The following SLCO3A1 variants were observed in gnomAD, a reference collection of about 807,000 sequenced individuals.
SLCO3A1 encodes PGE1 transporter.
SLCO3A1 carries 27 observed loss-of-function variants against 63.1 expected under a neutral mutation model. That is an observed-to-expected ratio of 0.43 (90% CI 0.32 to 0.59). SLCO3A1 has a LOEUF of 0.59. Among genes scored for constraint, SLCO3A1 ranks in the 20% least tolerant of loss-of-function variants. The pLI is 0.09. For synonymous variants in SLCO3A1, 473 were observed against 409.9 expected, an observed-to-expected ratio of 1.15 and a Z score of -1.86; for missense variants, 773 against 945.8, an observed-to-expected ratio of 0.82 and a Z score of 2.40.
At chr15:91,922,276 C>A (rs1019230671) in intron 2 of SLCO3A1, among the ~76,000 whole-genome samples, 1 of 152,002 alleles carries the variant, frequency 6.6e-6, no homozygotes, top group Non-Finnish European at 1.5e-5. Flanking sequence ...AGCTGGCCAG[C>A]GGAAAGGGGT....
chr15:91,953,087 C>A, intron 2 of SLCO3A1, among the ~76,000 whole-genome samples: 1 of 152,204 alleles, frequency 6.6e-6, no homozygotes. Context: ...AGAAGGATTT[C>A]TCATTCTTCA....
chr15:92,107,720 G>A (rs536842109), intron 4 of SLCO3A1, among the ~76,000 whole-genome samples: 2 of 152,212 alleles, frequency 1.3e-5, no homozygotes, highest in African/African-American at 4.8e-5. Context: ...CCCCTGATAA[G>A]AGCTGGCATT....
At chr15:91,971,564 G>C (rs1900873475) in intron 2 of SLCO3A1, among the ~76,000 whole-genome samples, 1 of 151,920 alleles carries the variant, frequency 6.6e-6, no homozygotes, top group Admixed American at 6.6e-5. Context: ...GCTGTCTAGT[G>C]TTCCTAAGCA....
rs1044027856 is a variant in SLCO3A1 at position 91,882,954 on chromosome 15, G to C, written c.180+28866G>C. On this transcript the variant is annotated intron_variant, in intron 1 of 9. Coordinates refer to ENST00000318445, the MANE Select transcript of SLCO3A1 (RefSeq NM_013272.4). The surrounding 1 kb of genome is among the most constrained non-coding windows in gnomAD (Gnocchi z 4.4). The stretch of plus-strand genomic sequence containing the variant: ...TATCACCTTGTTCTTTAAGAAGTTG[G>C]TTGGGCTGCTCTATTAATGCCCAGT... Among the ~76,000 whole-genome samples the C allele has an allele frequency of 6.6e-6, 1 of 152,178 alleles. No homozygotes were observed. The highest frequency in any genetic ancestry group is 1.5e-5 in the Non-Finnish European group (1 of 68,036).
At chr15:92,088,390 C>T (rs1473966071) in intron 2 of SLCO3A1, among the ~76,000 whole-genome samples, 1 of 152,212 alleles carries the variant, frequency 6.6e-6, no homozygotes, top group African/African-American at 2.4e-5. Context: ...ATAATTAACA[C>T]AAAACCTTTG....
intron 6 of SLCO3A1, 93 bp from the exon 7 acceptor site, chr15:92,128,258 C>T: frequency 2.1e-6 from 3 of 1,463,316 alleles, no homozygotes; most frequent in Non-Finnish European, 2.8e-6. Context: ...TACCACGCGA[C>T]TCATCACAAC....
chr15:91,980,424 TAA>T (rs34598127), intron 2 of SLCO3A1, among the ~76,000 whole-genome samples: 14 of 145,770 alleles, frequency 9.6e-5, no homozygotes, highest in South Asian at 4.4e-4. Context: ...TCTGAGAGTT[TAA>T]AAAAAAAAAA....
At chr15:91,972,759 C>G (rs760306244) in intron 2 of SLCO3A1, among the ~76,000 whole-genome samples, 12 of 152,154 alleles carry the variant, frequency 7.9e-5, no homozygotes, top group Non-Finnish European at 1.6e-4. Context: ...TGGTGTGGTT[C>G]CTGGTGCTGC....
At chr15:92,001,331 C>T (rs1237122762) in intron 2 of SLCO3A1, among the ~76,000 whole-genome samples, 1 of 152,164 alleles carries the variant, frequency 6.6e-6, no homozygotes, top group Admixed American at 6.5e-5. Flanking sequence ...GACCTGGCAC[C>T]AGCACATATT....
chr15:92,069,711 C>T (rs1463649704), intron 2 of SLCO3A1, among the ~76,000 whole-genome samples: 1 of 152,128 alleles, frequency 6.6e-6, no homozygotes, highest in African/African-American at 2.4e-5. Flanking sequence ...TTTGCACTTG[C>T]CCTTCCCTCT....
In SLCO3A1 at chr15:91,854,761, T is replaced by G. The variant is rs1387257102; in HGVS notation, c.180+673T>G. 2.0e-5 allele frequency among the ~76,000 whole-genome samples: 3 copies of G among 152,180 alleles called. No homozygotes were observed. Among genetic ancestry groups the G allele is most frequent in the African/African-American group, 7.2e-5 (3 of 41,442 alleles). ...TTTGTGTAGTTCCTGCTATCCACTCTTAGTGCTAAATTCCCCATCGTGGTC... is the reference window on the plus strand; with the variant it reads ...TTTGTGTAGTTCCTGCTATCCACTCGTAGTGCTAAATTCCCCATCGTGGTC... On this transcript the variant is annotated intron_variant, in intron 1 of 9. Transcript: ENST00000318445. The surrounding 1 kb of genome is among the most constrained non-coding windows in gnomAD (Gnocchi z 6.4).
At chr15:92,148,663 A>T (rs563996965) in intron 8 of SLCO3A1, 41 of 152,302 alleles carry the variant, frequency 2.7e-4, no homozygotes, top group African/African-American at 9.1e-4. Context: ...GAGCCATACA[A>T]ATATTCAGAC....
chr15:92,099,104 A>G (rs1377041710), intron 3 of SLCO3A1, among the ~76,000 whole-genome samples: 1 of 152,212 alleles, frequency 6.6e-6, no homozygotes, highest in African/African-American at 2.4e-5. Context: ...CAGCACATCC[A>G]TGCAGACTTG....
chr15:92,006,834 A>G (rs558445837), intron 2 of SLCO3A1, among the ~76,000 whole-genome samples: 6 of 152,348 alleles, frequency 3.9e-5, no homozygotes, highest in Non-Finnish European at 8.8e-5. Context: ...CCAGTCCAGA[A>G]AGGGAGTTCC....
chr15:92,105,527 C>G (rs1449476836), intron 4 of SLCO3A1, among the ~76,000 whole-genome samples: 1 of 152,166 alleles, frequency 6.6e-6, no homozygotes, highest in Non-Finnish European at 1.5e-5. Flanking sequence ...CACCACCGCC[C>G]AAGTTGTTTC....
chr15:92,102,218 C>G (rs554992657), intron 3 of SLCO3A1, among the ~76,000 whole-genome samples: 1 of 152,116 alleles, frequency 6.6e-6, no homozygotes, highest in Admixed American at 6.5e-5. Flanking sequence ...CAGTAAGTGA[C>G]TAGTGAAAAT....
chr15:92,025,191 AAAT>A (rs142868631), intron 2 of SLCO3A1, among the ~76,000 whole-genome samples: 5,186 of 150,868 alleles, frequency 0.034, 304 homozygotes, highest in African/African-American at 0.12. Flanking sequence ...TGCTTTTAAA[AAAT>A]TTTTTTCTTG....
chr15:92,079,109 G>C (rs146314229), intron 2 of SLCO3A1, among the ~76,000 whole-genome samples: 1 of 152,306 alleles, frequency 6.6e-6, no homozygotes, highest in Admixed American at 6.5e-5. Context: ...TTTTCCACCC[G>C]GCCAGTCCTA....
chr15:91,869,199 G>T (rs1897236800), intron 1 of SLCO3A1, among the ~76,000 whole-genome samples: 1 of 152,038 alleles, frequency 6.6e-6, no homozygotes, highest in South Asian at 2.1e-4. Flanking sequence ...TCAGGAGTTT[G>T]AGACCAGCCT....
Sources: allele counts gnomAD v4.1 joint callset (sites outside exome capture counted in the v4.1 genomes callset), GRCh38; gene constraint gnomAD v4.1.1; non-coding constraint Gnocchi (gnomAD v3.1); transcripts MANE v1.5; gene names NCBI Gene and HGNC (gene_info 2026-07-23, HGNC 2026-07-21).